The following KIAA2012 variants were observed in gnomAD, a reference collection of about 807,000 sequenced individuals.
The protein encoded by KIAA2012 is uncharacterized protein KIAA2012.
A neutral mutation model predicts 150.6 loss-of-function variants in KIAA2012; 125 were observed. That is an observed-to-expected ratio of 0.83 (90% confidence interval 0.72 to 0.96). The LOEUF (loss-of-function observed/expected upper bound fraction) is 0.96. KIAA2012 is among the 40% of genes least tolerant of loss of function. The pLI is 0.00. For missense variants in KIAA2012, 1,219 were observed against 1,354.9 expected (o/e 0.90, Z 1.57); for synonymous variants, 462 against 504.7 (o/e 0.92, Z 1.13).
chr2:202,193,319 G>A lies in KIAA2012; in HGVS notation c.2830G>A (p.Glu944Lys), dbSNP rs1692353629. 5.2e-6 allele frequency: 8 copies of A among 1,549,588 alleles called. No individual in the cohort carries two copies. Among genetic ancestry groups the A allele is most frequent in the Non-Finnish European group, 7.0e-6 (8 of 1,146,818 alleles). The change falls in exon 20 of 24, where the codon GAG becomes AAG. Residue 944 changes from glutamate (E) to lysine (K), a missense_variant. Physicochemically the swap from Glu to Lys is moderately conservative, Grantham distance 56 (BLOSUM62 1). Coordinates refer to ENST00000498697, the MANE Select transcript of KIAA2012 (RefSeq NM_001277372.4). ...TTCTTAGGCCCTCCTCACTAAGAGG[G>A]AGCAGGAGAAGGCTTCCTGGGACAG... Reference protein sequence around the residue: ...DPSKALLTKREQEKASWDRLR... With the variant: ...DPSKALLTKRKQEKASWDRLR...
In KIAA2012 at chr2:202,196,907, C is replaced by A. The variant is rs1200267054; in HGVS notation, c.3295C>A (p.Gln1099Lys). The A allele has an allele frequency of 6.4e-7, 1 of 1,550,518 alleles. No homozygotes were observed. Among genetic ancestry groups the A allele is most frequent in the Non-Finnish European group, 8.7e-7 (1 of 1,147,016 alleles). ...ACGACTGGAGTACCAGCGGCGGAAA[C>A]AGGAAGCAGAAGAGAAGGCTCGGCT... is the stretch of plus-strand genomic sequence containing the variant. ...EERLEYQRRK[Q>K]EAEEKARLEA... Residue 1099 changes from glutamine (Q) to lysine (K), a missense_variant, in exon 22 of 24, where the codon CAG (glutamine) becomes AAG (lysine). Gln to Lys is a moderately conservative substitution (Grantham distance 53). Transcript: ENST00000498697.
At chr2:202,091,497 C>A (rs1002486899) in intron 3 of KIAA2012, among the ~76,000 whole-genome samples, 2 of 152,078 alleles carry the variant, frequency 1.3e-5, no homozygotes, top group Admixed American at 6.6e-5. Context: ...GCGATGGACA[C>A]CCTTCTGATG....
intron 12 of KIAA2012, among the ~76,000 whole-genome samples, chr2:202,126,244 CT>C (rs758380324): frequency 6.6e-5 from 10 of 152,096 alleles, no homozygotes; most frequent in Admixed American, 2.0e-4. Context: ...TGAGCCACCA[CT>C]CCTGGCCTCC....
chr2:202,104,910 T>C lies in KIAA2012; in HGVS notation c.1325-851T>C, dbSNP rs1690141298. On this transcript the variant is annotated intron_variant, in intron 8 of 23. Transcript: ENST00000498697. The surrounding 1 kb of genome is among the most constrained non-coding windows in gnomAD (Gnocchi z 4.3). ...ATCTGATTATTTTCCATGATGACCC[T>C]GATAGGAAGGTGAGGAAAACCACCA... is the stretch of plus-strand genomic sequence containing the variant. 6.6e-6 allele frequency among the ~76,000 whole-genome samples: 1 copy of C among 152,206 alleles called. No individual in the cohort carries two copies. The highest frequency in any genetic ancestry group is 6.5e-5 in the Admixed American group (1 of 15,282).
At chr2:202,108,350 A>T (rs1357267227) in intron 9 of KIAA2012, among the ~76,000 whole-genome samples, 4 of 152,232 alleles carry the variant, frequency 2.6e-5, no homozygotes, top group Non-Finnish European at 5.9e-5. Flanking sequence ...ACCACACTCA[A>T]GAAAGCAAAC....
chr2:202,075,422 A>G (rs1472983540), intron 2 of KIAA2012, among the ~76,000 whole-genome samples: 1 of 152,206 alleles, frequency 6.6e-6, no homozygotes, highest in East Asian at 1.9e-4. Flanking sequence ...CATTATCATC[A>G]TTTTATGTTT....
chr2:202,132,788 G>GTATATATA (rs757979483), intron 12 of KIAA2012, among the ~76,000 whole-genome samples: 80 of 66,574 alleles, frequency 1.2e-3, no homozygotes, highest in Admixed American at 2.8e-3. Flanking sequence ...ATATATATGC[G>GTATATATA]TATATATATA....
At chr2:202,117,149 A>G (rs1690548624) in intron 11 of KIAA2012, 1 of 152,254 alleles carries the variant, frequency 6.6e-6, no homozygotes, top group African/African-American at 2.4e-5. Context: ...TCCCACAGAA[A>G]CTGAGGCATA....
Position 202,190,186 on chromosome 2 carries a change from A to T in KIAA2012, c.2504A>T (p.Asp835Val). 6.6e-7 allele frequency: 1 copy of T among 1,520,022 alleles called. No homozygotes were observed. Among genetic ancestry groups the T allele is most frequent in the Non-Finnish European group, 8.8e-7 (1 of 1,139,212 alleles). The allele number at this position is 1,520,022 out of a possible 1,614,324, so 94.2% of individuals were successfully genotyped here. A position where few individuals can be genotyped will look rare whatever the true frequency, so the allele number is the denominator to read the frequency against. Residue 835 changes from aspartate (D) to valine (V), a missense_variant, in exon 19 of 24, where the codon GAC becomes GTC. Transcript: ENST00000498697. ...QAEAAIGKSKDSKAKKKLEKK... is the reference protein window; with the variant it reads ...QAEAAIGKSKVSKAKKKLEKK... ...TGTTCTCCCCCAGGAAAGTCAAAGG[A>T]CTCAAAGGCTAAAAAAAAATTAGAA...
chr2:202,201,659 C>T, intron 22 of KIAA2012: 2 of 1,610,920 alleles, frequency 1.2e-6, no homozygotes, highest in Middle Eastern at 1.7e-4. Flanking sequence ...CAGCCACAGA[C>T]TGGGCCATGG....
chr2:202,113,576 C>T (rs982274173), intron 11 of KIAA2012, 130 bp downstream of exon 11: 4 of 624,108 alleles, frequency 6.4e-6, no homozygotes, highest in Admixed American at 5.8e-5. Flanking sequence ...AGTTTCTCCC[C>T]TTTCACCGAC....
At position 202,165,348 on chromosome 2, in the gene KIAA2012, A is replaced by G. The variant is rs1691735009; in HGVS notation, c.2111A>G (p.Asn704Ser). 6.5e-7 allele frequency: 1 copy of G among 1,550,232 alleles called. No individual in the cohort carries two copies. The highest frequency in any genetic ancestry group is 8.7e-7 in the Non-Finnish European group (1 of 1,146,736). Reference sequence around the variant, plus strand: ...AGACCCCTCAGAGAAACTCACCACAACGACCAAGGTACAGACCACTAGGTG... The same window carrying G: ...AGACCCCTCAGAGAAACTCACCACAGCGACCAAGGTACAGACCACTAGGTG... Reference protein sequence around the residue: ...AGRPLRETHHNDQDPEPRSMT... With the variant: ...AGRPLRETHHSDQDPEPRSMT... The change falls in exon 15 of 24, where the codon AAC (asparagine) becomes AGC (serine). Residue 704 changes from asparagine to serine, a missense_variant. Transcript: ENST00000498697.
Position 202,194,081 on chromosome 2 carries a change from G to A in KIAA2012, c.3015-109G>A, listed in dbSNP as rs959232801. The A allele has an allele frequency of 4.2e-6, 5 of 1,202,308 alleles. No individual in the cohort carries two copies. The African/African-American group carries it at 4.6e-5, about 11-fold the overall frequency. The allele number at this position is 1,202,308 out of a possible 1,614,324, so 74.5% of individuals were successfully genotyped here. On this transcript the variant is annotated intron_variant, in intron 20 of 23. Coordinates refer to ENST00000498697, the MANE Select transcript of KIAA2012 (RefSeq NM_001277372.4). ...GTCTCCTGGGAATAGGTTGCTCCCTGTGGCCTGTGGGCTGCAGAGCCTCCC... is the reference window on the plus strand; with the variant it reads ...GTCTCCTGGGAATAGGTTGCTCCCTATGGCCTGTGGGCTGCAGAGCCTCCC...
chr2:202,139,236 A>G, intron 13 of KIAA2012, among the ~76,000 whole-genome samples: 1 of 63,316 alleles, frequency 1.6e-5, no homozygotes, highest in Non-Finnish European at 3.2e-5. Context: ...TGTCTCAGGA[A>G]AAAAAAAAAA....
intron 2 of KIAA2012, among the ~76,000 whole-genome samples, chr2:202,086,515 T>C (rs557052135): frequency 6.6e-6 from 1 of 152,306 alleles, no homozygotes; most frequent in South Asian, 2.1e-4. Context: ...GCTTCCACCA[T>C]CCTCTCTATA....
intron 22 of KIAA2012, among the ~76,000 whole-genome samples, chr2:202,199,920 A>AT (rs71025287): frequency 0.071 from 5,387 of 76,134 alleles, 1,311 homozygotes; most frequent in Admixed American, 0.095. Flanking sequence ...GCCCCTCATA[A>AT]TTTTTTTTTT....
intron 15 of KIAA2012, among the ~76,000 whole-genome samples, chr2:202,170,771 C>T (rs902480230): frequency 3.3e-5 from 5 of 152,170 alleles, no homozygotes; most frequent in African/African-American, 2.4e-5. Context: ...ACCTAGACTG[C>T]GTTCACCCAT....
rs148061961 is a variant in KIAA2012 at position 202,105,883 on chromosome 2, G to A, written c.1447G>A (p.Ala483Thr). ...GTTAACAGTGCATCTCCCAGTGGAC[G>A]CGAGCAGGGACACACTCTCACCTCA... ...WELTVHLPVD[A>T]SRDTLSPQDD... The change falls in exon 9 of 24, where the codon GCG (alanine) becomes ACG (threonine). Residue 483 changes from alanine to threonine, a missense_variant. By Grantham distance (58) the Ala-to-Thr change is moderately conservative. Transcript: ENST00000498697. 3.5e-5 allele frequency: 54 copies of A among 1,550,862 alleles called. No homozygotes were observed. Among genetic ancestry groups the A allele is most frequent in the East Asian group, 2.4e-4 (10 of 40,908 alleles).
intron 15 of KIAA2012, among the ~76,000 whole-genome samples, chr2:202,175,622 G>C (rs530113257): frequency 6.6e-6 from 1 of 152,298 alleles, no homozygotes; most frequent in South Asian, 2.1e-4. Flanking sequence ...ACCAGAAAGT[G>C]AGACTTCCCC....
Sources: gnomAD v4.1 joint callset for allele counts (sites outside exome capture counted in the v4.1 genomes callset) on GRCh38, gnomAD v4.1.1 for gene constraint, Gnocchi (gnomAD v3.1) non-coding constraint, MANE v1.5 for transcripts, NCBI Gene and HGNC (gene_info 2026-07-23, HGNC 2026-07-21) for gene names.